Variants in TIMM8A observed in about 807,000 individuals in gnomAD.
TIMM8A encodes mitochondrial import inner membrane translocase subunit Tim8 A.
Under a neutral mutation model 6.8 loss-of-function variants are expected in TIMM8A, and 2 were observed. That is an observed-to-expected ratio of 0.30 (90% CI 0.12 to 0.93). The LOEUF is 0.93. Ranked by LOEUF, TIMM8A falls within the 40% of genes least tolerant of loss-of-function variation. The probability of loss-of-function intolerance (pLI) is 0.55; values close to 1 mark genes in which losing one functional copy is unlikely to be tolerated. For synonymous variants in TIMM8A, 26 were observed against 28.5 expected (o/e 0.91, Z 0.28); for missense variants, 34 against 75.2 (o/e 0.45, Z 2.02).
Position 101,348,243 on chromosome X carries a change from C to T in TIMM8A, c.132+290G>A, listed in dbSNP as rs1423717279. The T allele has an allele frequency of 7.0e-6, 8 of 1,143,101 alleles. No individual in the cohort carries two copies. The African/African-American group carries it at 1.5e-4, about 21-fold the overall frequency. The allele number at this position is 1,143,101 out of a possible 1,213,427, so 94.2% of individuals were successfully genotyped here. On this transcript the variant is annotated intron_variant, in intron 1 of 1. Coordinates refer to ENST00000372902, the MANE Select transcript of TIMM8A (RefSeq NM_004085.4). ...CTCCGATCAGTCTTGGTGACCAGCA[C>T]TAGGCAGCTTCAACCTCGGGTGCCT...
At chrX:101,348,108 T>C (rs1713738290) in intron 1 of TIMM8A, 3 of 1,045,214 alleles carry the variant, frequency 2.9e-6, no homozygotes, top group Admixed American at 4.1e-5. Context: ...CGGAGAGGGT[T>C]AGAACTGGGT....
chrX:101,348,262 G>T, intron 1 of TIMM8A: 1 of 1,153,523 alleles, frequency 8.7e-7, no homozygotes, highest in Non-Finnish European at 1.2e-6. Context: ...TTCAACCTCG[G>T]GTGCCTGAAA....
rs1343812319 is a variant in TIMM8A at position 101,346,141 on chromosome X, A to C, written c.*358T>G. 4 of 865,957 alleles carry C rather than the reference A, an allele frequency of 4.6e-6. No individual in the cohort carries two copies. Among genetic ancestry groups the C allele is most frequent in the Non-Finnish European group, 5.6e-6 (4 of 709,662 alleles). 71.4% of individuals were successfully genotyped at this position (865,957 alleles called of 1,213,427 possible). On this transcript the variant is annotated 3_prime_UTR_variant, in exon 2 of 2. Transcript: ENST00000372902. ...CACAAGGATCTCCCCTGAAATCAGAAATGACTCCACACAAATGAGAGATTT... is the reference window on the plus strand; with the variant it reads ...CACAAGGATCTCCCCTGAAATCAGACATGACTCCACACAAATGAGAGATTT...
Position 101,345,943 on chromosome X carries a change from G to A in TIMM8A, c.*556C>T. 1.3e-6 allele frequency: 1 copy of A among 753,832 alleles called. No individual in the cohort carries two copies. The highest frequency in any genetic ancestry group is 2.3e-5 in the African/African-American group (1 of 42,929). The allele number at this position is 753,832 out of a possible 1,213,427, so 62.1% of individuals were successfully genotyped here. ...ACTCTCAGGCTGCCTACCCTACCTT[G>A]AGACTTACTTAATATGGATATTTAA... On this transcript the variant is annotated 3_prime_UTR_variant, in exon 2 of 2. Coordinates refer to ENST00000372902, the MANE Select transcript of TIMM8A (RefSeq NM_004085.4).
Position 101,345,796 on chromosome X carries a change from T to A in TIMM8A, c.*703A>T. The A allele has an allele frequency of 1.3e-6, 1 of 750,112 alleles. No homozygotes were observed. Among genetic ancestry groups the A allele is most frequent in the Non-Finnish European group, 1.6e-6 (1 of 639,204 alleles). The allele number at this position is 750,112 out of a possible 1,213,427, so 61.8% of individuals were successfully genotyped here. On this transcript the variant is annotated 3_prime_UTR_variant, in exon 2 of 2. Coordinates refer to ENST00000372902, the MANE Select transcript of TIMM8A (RefSeq NM_004085.4). ...TTGGCCTAAATCTTTATAACTTATT[T>A]AGGCACATCACTGAATTTTTTGTAC...
In TIMM8A at chrX:101,346,144, G is replaced by A. The variant is rs782526107; in HGVS notation, c.*355C>T. 1.1e-4 allele frequency: 96 copies of A among 864,127 alleles called. No homozygotes were observed. The highest frequency in any genetic ancestry group is 1.2e-4 in the Non-Finnish European group (86 of 708,753). 71.2% of individuals were successfully genotyped at this position (864,127 alleles called of 1,213,427 possible). On this transcript the variant is annotated 3_prime_UTR_variant, in exon 2 of 2. Transcript: ENST00000372902. ...AAGGATCTCCCCTGAAATCAGAAAT[G>A]ACTCCACACAAATGAGAGATTTTTA...
At chrX:101,348,463 G>C (rs948334251) in intron 1 of TIMM8A, 70 bp downstream of exon 1, 31 of 1,187,339 alleles carry the variant, frequency 2.6e-5, no homozygotes, top group Non-Finnish European at 3.2e-5. Flanking sequence ...CGACGTTGTC[G>C]CGAGTCCCGC....
At position 101,346,402 on chromosome X, in the gene TIMM8A, T is replaced by C. The variant is rs2071224; in HGVS notation, c.*97A>G. On this transcript the variant is annotated 3_prime_UTR_variant, in exon 2 of 2. Transcript: ENST00000372902. ...AGGATGTCCCAAGAGTAACAAAAGA[T>C]GGGAGCCAATCCTCTCATAGCTGTT... The C allele has an allele frequency of 1.0e-5, 12 of 1,206,006 alleles. No individual in the cohort carries two copies. The African/African-American group carries it at 1.7e-4, about 18-fold the overall frequency.
chrX:101,348,208 G>A, intron 1 of TIMM8A: 1 of 1,104,046 alleles, frequency 9.1e-7, no homozygotes, highest in Non-Finnish European at 1.2e-6. Flanking sequence ...TAAAATCCCA[G>A]TACTGGGGGC....
Position 101,346,518 on chromosome X carries a change from G to A in TIMM8A, c.275C>T (p.Ser92Leu). The A allele has an allele frequency of 8.3e-7, 1 of 1,211,192 alleles. No individual in the cohort carries two copies. Among genetic ancestry groups the A allele is most frequent in the Non-Finnish European group, 1.1e-6 (1 of 895,592 alleles). ...CTGAGATCAGTCAGAAAGGCTTTCT[G>A]AGAAAACTGGCTTGGATTTCTGGGT... ...EQTQKSKPVF[S>L]ESLSD Residue 92 changes from serine (S) to leucine (L), a missense_variant, in exon 2 of 2, where the codon TCA (serine) becomes TTA (leucine). Physicochemically the swap from Ser to Leu is moderately radical, Grantham distance 145. Coordinates refer to ENST00000372902, the MANE Select transcript of TIMM8A (RefSeq NM_004085.4).
At chrX:101,348,067 A>G in intron 1 of TIMM8A, 2 of 976,406 alleles carry the variant, frequency 2.0e-6, no homozygotes, top group Non-Finnish European at 2.6e-6. Flanking sequence ...CCACTTTTAT[A>G]GTTACTGGGC....
In TIMM8A at chrX:101,346,093, C is replaced by A; in HGVS notation, c.*406G>T. 3.6e-6 allele frequency: 3 copies of A among 829,672 alleles called. No homozygotes were observed. Among genetic ancestry groups the A allele is most frequent in the Non-Finnish European group, 4.4e-6 (3 of 687,428 alleles). 68.4% of individuals were successfully genotyped at this position (829,672 alleles called of 1,213,427 possible). A position where few individuals can be genotyped will look rare whatever the true frequency, so the allele number is the denominator to read the frequency against. ...ATAAGGATACCAAATTATTCTTCCC[C>A]TACTTCTGCCCTTTCTGATAAACAC... On this transcript the variant is annotated 3_prime_UTR_variant, in exon 2 of 2. Coordinates refer to ENST00000372902, the MANE Select transcript of TIMM8A (RefSeq NM_004085.4).
At chrX:101,346,773 A>G (rs1926079187) in intron 1 of TIMM8A, 113 bp from the exon 2 acceptor site, 1 of 744,569 alleles carries the variant, frequency 1.3e-6, no homozygotes, top group Non-Finnish European at 2.0e-6. Context: ...TAAAAATAAT[A>G]TCTGATATGT....
At chrX:101,347,275 C>CTT (rs782786272) in intron 1 of TIMM8A, 7 of 102,397 alleles carry the variant, frequency 6.8e-5, no homozygotes, top group Non-Finnish European at 1.4e-4. Flanking sequence ...CTTTTCTTTT[C>CTT]TTTTTTTTTT....
intron 1 of TIMM8A, 87 bp downstream of exon 1, chrX:101,348,446 G>A: frequency 1.7e-6 from 2 of 1,167,602 alleles, no homozygotes; most frequent in Admixed American, 2.4e-5. Flanking sequence ...CCCCCACCCC[G>A]AATCCCCGAC....
intron 1 of TIMM8A, chrX:101,346,917 CAG>C (rs1422666428): frequency 1.3e-5 from 4 of 314,334 alleles, no homozygotes; most frequent in African/African-American, 1.1e-4. Context: ...AACTGTGGCA[CAG>C]AGATACTTTA....
intron 1 of TIMM8A, 62 bp downstream of exon 1, chrX:101,348,471 C>G: frequency 1.9e-6 from 2 of 1,033,879 alleles, no homozygotes; most frequent in South Asian, 3.7e-5. Flanking sequence ...TCGCGAGTCC[C>G]GCGGTACAAG....
At chrX:101,346,932 C>T (rs1490386845) in intron 1 of TIMM8A, 1 of 290,828 alleles carries the variant, frequency 3.4e-6, no homozygotes, top group Non-Finnish European at 5.9e-6. Context: ...ATACTTTACC[C>T]AAAATCATAG....
Position 101,345,758 on chromosome X carries a change from T to G in TIMM8A, c.*741A>C. The G allele has an allele frequency of 1.3e-6, 1 of 754,075 alleles. No homozygotes were observed. Among genetic ancestry groups the G allele is most frequent in the Non-Finnish European group, 1.6e-6 (1 of 638,909 alleles). 62.1% of individuals were successfully genotyped at this position (754,075 alleles called of 1,213,427 possible). ...GGCATGCACCTCTACCTGAAACTGCTGTTAGCTTCTGATTGGCCTAAATCT... is the reference window on the plus strand; with the variant it reads ...GGCATGCACCTCTACCTGAAACTGCGGTTAGCTTCTGATTGGCCTAAATCT... On this transcript the variant is annotated 3_prime_UTR_variant, in exon 2 of 2. Coordinates refer to ENST00000372902, the MANE Select transcript of TIMM8A (RefSeq NM_004085.4).
Sources: gnomAD v4.1 joint callset for allele counts on GRCh38, gnomAD v4.1.1 for gene constraint, MANE v1.5 for transcripts, NCBI Gene and HGNC (gene_info 2026-07-23, HGNC 2026-07-21) for gene names.